Variants in DIAPH3 observed in about 807,000 individuals in gnomAD.
DIAPH3 encodes diaphanous related formin 3.
In DIAPH3, 117 loss-of-function variants were observed where a neutral mutation model predicts 144.3. The ratio of observed to expected loss-of-function variants is 0.81; its 90% confidence interval spans 0.70 to 0.95. The LOEUF (loss-of-function observed/expected upper bound fraction) is 0.95, where lower values mean the gene tolerates loss of function less well. Among genes scored for constraint, DIAPH3 ranks in the 40% least tolerant of loss-of-function variants. The pLI, the probability that DIAPH3 is intolerant of heterozygous loss-of-function variation, is 0.00. For synonymous variants in DIAPH3, 519 were observed against 488.9 expected (o/e 1.06, Z -0.81); for missense variants, 1,421 against 1,412.7 (o/e 1.01, Z -0.09).
intron 25 of DIAPH3, among the ~76,000 whole-genome samples, chr13:59,775,273 C>T (rs1261862964): frequency 1.3e-5 from 2 of 151,758 alleles, no homozygotes; most frequent in African/African-American, 2.4e-5. Flanking sequence ...GACAGAATCT[C>T]GCTCTGTCGC....
intron 1 of DIAPH3, among the ~76,000 whole-genome samples, chr13:60,135,957 T>G (rs1260907627): frequency 6.6e-6 from 1 of 152,206 alleles, no homozygotes; most frequent in Non-Finnish European, 1.5e-5. Context: ...CAATCTTTTG[T>G]AGGATGTCTG....
At chr13:59,714,204 C>CA (rs1234136161) in intron 27 of DIAPH3, among the ~76,000 whole-genome samples, 3 of 151,484 alleles carry the variant, frequency 2.0e-5, no homozygotes, top group East Asian at 2.0e-4. Context: ...ACTAAAAATA[C>CA]AAAAAATTAG....
intron 27 of DIAPH3, among the ~76,000 whole-genome samples, chr13:59,673,047 G>T (rs2032461455): frequency 6.6e-6 from 1 of 152,138 alleles, no homozygotes; most frequent in Admixed American, 6.5e-5. Flanking sequence ...CCATTTCACA[G>T]TTTCCTATGC....
Position 59,740,965 on chromosome 13 carries a change from G to A in DIAPH3, c.3319+33224C>T, listed in dbSNP as rs1336352346. Among the ~76,000 whole-genome samples the A allele has an allele frequency of 4.6e-5, 7 of 152,266 alleles. No individual in the cohort carries two copies. In the East Asian group the frequency reaches 1.4e-3, roughly 29 times the overall value. ...GCTGGGAAGAGAAAAGAAACAATAAGGATGATGAGCAGATAGGGGTAAGGG... is the reference window on the plus strand; with the variant it reads ...GCTGGGAAGAGAAAAGAAACAATAAAGATGATGAGCAGATAGGGGTAAGGG... On this transcript the variant is annotated intron_variant, in intron 27 of 27. Transcript: ENST00000400324.
intron 27 of DIAPH3, among the ~76,000 whole-genome samples, chr13:59,698,844 T>G (rs2138735257): frequency 6.6e-6 from 1 of 152,310 alleles, no homozygotes; most frequent in Admixed American, 6.5e-5. Context: ...AGCTTACATG[T>G]GTTCACTGAA....
intron 27 of DIAPH3, among the ~76,000 whole-genome samples, chr13:59,747,404 C>G (rs2036761438): frequency 6.6e-6 from 1 of 152,158 alleles, no homozygotes; most frequent in South Asian, 2.1e-4. Context: ...TAGAATGGCT[C>G]ATCAGCCTTC....
At chr13:59,759,901 C>T (rs572609446) in intron 27 of DIAPH3, among the ~76,000 whole-genome samples, 77 of 152,110 alleles carry the variant, frequency 5.1e-4, no homozygotes, top group South Asian at 1.5e-3. Context: ...GAGCCGAGAT[C>T]GCGCCCACTG....
chr13:59,760,168 C>T (rs1311595050), intron 27 of DIAPH3, among the ~76,000 whole-genome samples: 1 of 152,202 alleles, frequency 6.6e-6, no homozygotes, highest in Admixed American at 6.5e-5. Flanking sequence ...ATAGAGCATA[C>T]ATCATCACTC....
Position 60,023,686 on chromosome 13 carries a change from A to G in DIAPH3, c.627-7541T>C, listed in dbSNP as rs1407892098. On this transcript the variant is annotated intron_variant, in intron 5 of 27. Transcript: ENST00000400324. ...TGACCTCAAGACACCCAACCGCCTC[A>G]GCCTCCCAAAGTGCTGGGATTACAG... Among the ~76,000 whole-genome samples the G allele has an allele frequency of 5.3e-5, 8 of 152,046 alleles. No homozygotes were observed. In the East Asian group the frequency reaches 9.7e-4, roughly 18 times the overall value.
At chr13:60,006,909 A>G (rs572863116) in intron 9 of DIAPH3, among the ~76,000 whole-genome samples, 3 of 152,318 alleles carry the variant, frequency 2.0e-5, no homozygotes, top group Non-Finnish European at 4.4e-5. Flanking sequence ...GACCCATGCC[A>G]TAGAGACCCT....
At chr13:59,666,888 T>C in intron 27 of DIAPH3, 42 bp from the exon 28 acceptor site, 1 of 1,611,096 alleles carries the variant, frequency 6.2e-7, no homozygotes, top group Non-Finnish European at 8.5e-7. Flanking sequence ...ATCACCATGA[T>C]AACCAAGGAC....
chr13:59,905,342 C>CAAAAAAAAAAAAAAAAAA (rs59114311), intron 20 of DIAPH3, among the ~76,000 whole-genome samples: 3 of 69,758 alleles, frequency 4.3e-5, no homozygotes, highest in Admixed American at 1.9e-4. Context: ...GACTCTGTCT[C>CAAAAAAAAAAAAAAAAAA]AAAAAAAAAA....
At chr13:60,153,410 A>G (rs1341437648) in intron 1 of DIAPH3, 1 of 152,122 alleles carries the variant, frequency 6.6e-6, no homozygotes, top group African/African-American at 2.4e-5. Context: ...ATAACAGTTC[A>G]CTACTTCATC....
In DIAPH3 at chr13:59,992,394, A is replaced by T. The variant is rs536420053; in HGVS notation, c.1125+79T>A. 32 of 1,247,208 alleles carry T rather than the reference A, an allele frequency of 2.6e-5. No individual in the cohort carries two copies. In the African/African-American group the frequency reaches 3.5e-4, roughly 14 times the overall value. The allele number at this position is 1,247,208 out of a possible 1,614,324, so 77.3% of individuals were successfully genotyped here. ...TTTTCCCACAGATAAATTATTCTTC[A>T]AGGTAATTTATCTAAATTTCCCCCT... is the stretch of plus-strand genomic sequence containing the variant. On this transcript the variant is annotated intron_variant, in intron 10 of 27. Transcript: ENST00000400324.
intron 25 of DIAPH3, among the ~76,000 whole-genome samples, chr13:59,785,116 A>T (rs942006413): frequency 9.9e-5 from 15 of 152,132 alleles, no homozygotes; most frequent in Non-Finnish European, 2.1e-4. Context: ...TAGAAAGCCG[A>T]TTTTCATTGG....
intron 2 of DIAPH3, 128 bp downstream of exon 2, chr13:60,132,829 A>G: frequency 1.4e-6 from 1 of 718,564 alleles, no homozygotes; most frequent in Non-Finnish European, 2.4e-6. Context: ...TTATTTCAGC[A>G]CTATAAGAAT....
intron 22 of DIAPH3, among the ~76,000 whole-genome samples, chr13:59,841,245 G>T (rs1205221352): frequency 6.6e-6 from 1 of 151,952 alleles, no homozygotes; most frequent in Admixed American, 6.6e-5. Flanking sequence ...CTTACAGGTG[G>T]TTCAGTCACT....
chr13:60,054,497 A>G (rs1468378529), intron 4 of DIAPH3, among the ~76,000 whole-genome samples: 2 of 152,000 alleles, frequency 1.3e-5, no homozygotes, highest in African/African-American at 4.8e-5. Context: ...TTTCTATTTA[A>G]GTCAATAACC....
At chr13:60,074,521 T>C (rs1371330283) in intron 4 of DIAPH3, among the ~76,000 whole-genome samples, 1 of 152,334 alleles carries the variant, frequency 6.6e-6, no homozygotes, top group African/African-American at 2.4e-5. Flanking sequence ...TCCTGAGATA[T>C]GCAAAAATAC....
Sources: gnomAD v4.1 joint callset for allele counts (sites outside exome capture counted in the v4.1 genomes callset) on GRCh38, gnomAD v4.1.1 for gene constraint, MANE v1.5 for transcripts, NCBI Gene and HGNC (gene_info 2026-07-23, HGNC 2026-07-21) for gene names.